Variants in TBCD observed in about 807,000 individuals in gnomAD.
TBCD encodes tubulin folding cofactor D, also known as tubulin-specific chaperone D.
A neutral mutation model predicts 169.3 loss-of-function variants in TBCD; 105 were observed. That is an observed-to-expected ratio of 0.62 (90% CI 0.53 to 0.73). The LOEUF is 0.73. Among genes scored for constraint, TBCD ranks in the 30% least tolerant of loss-of-function variants. TBCD has a pLI of 0.00. For missense variants in TBCD, 1,444 were observed against 1,600.1 expected (o/e 0.90, Z 1.66); for synonymous variants, 700 against 643.9 (o/e 1.09, Z -1.32).
At chr17:82,768,039 C>T (rs1286406482) in intron 4 of TBCD, among the ~76,000 whole-genome samples, 2 of 152,052 alleles carry the variant, frequency 1.3e-5, no homozygotes, top group Non-Finnish European at 2.9e-5. Context: ...TGAACCACCA[C>T]ACCTGGCCTT....
At chr17:82,854,426 A>G (rs974727311) in intron 13 of TBCD, among the ~76,000 whole-genome samples, 1 of 152,244 alleles carries the variant, frequency 6.6e-6, no homozygotes, top group Non-Finnish European at 1.5e-5. Flanking sequence ...CAGGCGCTGC[A>G]GGCTCCTTAT....
intron 13 of TBCD, chr17:82,830,610 G>A (rs773596288): frequency 6.2e-7 from 1 of 1,614,070 alleles, no homozygotes; most frequent in Admixed American, 1.7e-5. Flanking sequence ...GTCGACCGGG[G>A]AAGGCAGGCC....
chr17:82,831,166 A>C lies in TBCD; in HGVS notation c.1318+16232A>C. On this transcript the variant is annotated intron_variant, in intron 13 of 38. Transcript: ENST00000355528. The surrounding 1 kb of genome is among the most constrained non-coding windows in gnomAD (Gnocchi z 4.6). ...GGCTGCCTTGTTGGAGAGGTCGTAC[A>C]GGCCTTCGCAGGTCTGGCTCGTCTG... 2 of 1,614,118 alleles carry C rather than the reference A, an allele frequency of 1.2e-6. No individual in the cohort carries two copies. Among genetic ancestry groups the C allele is most frequent in the Non-Finnish European group, 1.7e-6 (2 of 1,180,028 alleles).
At chr17:82,860,557 G>A in intron 13 of TBCD, 1 of 622,434 alleles carries the variant, frequency 1.6e-6, no homozygotes, top group South Asian at 7.2e-5. Context: ...CTTAGAACAG[G>A]AACCTGAGGA....
intron 15 of TBCD, among the ~76,000 whole-genome samples, chr17:82,888,678 C>G (rs1192359161): frequency 2.6e-5 from 4 of 152,118 alleles, no homozygotes. Context: ...GTGGGCGCGT[C>G]TGCTCCTTTT....
At chr17:82,798,550 G>T in intron 8 of TBCD, among the ~76,000 whole-genome samples, 1 of 152,196 alleles carries the variant, frequency 6.6e-6, no homozygotes, top group South Asian at 2.1e-4. Flanking sequence ...AAAGTGCTGG[G>T]ATTACAGGCG....
chr17:82,926,481 G>A lies in TBCD; in HGVS notation c.2461G>A (p.Ala821Thr), dbSNP rs2061771488. Residue 821 changes from alanine to threonine, a missense_variant, in exon 28 of 39, where the codon GCC (alanine) becomes ACC (threonine). Physicochemically the swap from Ala to Thr is moderately conservative, Grantham distance 58. Coordinates refer to ENST00000355528, the MANE Select transcript of TBCD (RefSeq NM_005993.5). The stretch of plus-strand genomic sequence containing the variant: ...TGAGTCCAGGAGAGACGGCTTGAAG[G>A]CCATTGCGAGGTGAGTCCCAACAGT... ...FAESRRDGLK[A>T]IARICQTVGV... 1 of 1,613,742 alleles carries A rather than the reference G, an allele frequency of 6.2e-7. No individual in the cohort carries two copies. The highest frequency in any genetic ancestry group is 1.3e-5 in the African/African-American group (1 of 74,924).
intron 13 of TBCD, among the ~76,000 whole-genome samples, chr17:82,817,870 A>G (rs2052057328): frequency 6.6e-6 from 1 of 152,186 alleles, no homozygotes; most frequent in African/African-American, 2.4e-5. Context: ...AGAACCATGA[A>G]GTTGTGGTTT....
At chr17:82,909,936 C>G (rs565049226) in intron 22 of TBCD, among the ~76,000 whole-genome samples, 1 of 152,148 alleles carries the variant, frequency 6.6e-6, no homozygotes, top group Admixed American at 6.5e-5. Flanking sequence ...AATTTGCTAC[C>G]GAGGGTGTCA....
chr17:82,879,760 G>A (rs1445588193), intron 14 of TBCD, among the ~76,000 whole-genome samples: 2 of 152,200 alleles, frequency 1.3e-5, no homozygotes, highest in African/African-American at 4.8e-5. Flanking sequence ...GCCAACATTG[G>A]TCTGATTTTG....
intron 34 of TBCD, among the ~76,000 whole-genome samples, chr17:82,934,438 G>T (rs2147417304): frequency 6.6e-6 from 1 of 152,272 alleles, no homozygotes; most frequent in Admixed American, 6.5e-5. Flanking sequence ...GCTCGGTTGT[G>T]GCGTATTATC....
chr17:82,925,511 C>A (rs1460836694), intron 27 of TBCD, among the ~76,000 whole-genome samples: 1 of 152,116 alleles, frequency 6.6e-6, no homozygotes, highest in Admixed American at 6.5e-5. Context: ...TGGTGCTGGT[C>A]CCACTGACCA....
intron 5 of TBCD, among the ~76,000 whole-genome samples, chr17:82,771,923 C>CAAAAAA (rs33998188): frequency 7.1e-6 from 1 of 140,076 alleles, no homozygotes; most frequent in African/African-American, 2.6e-5. Context: ...GACTCCGTCT[C>CAAAAAA]AAAAAAAAAA....
Position 82,845,392 on chromosome 17 carries a change from C to T in TBCD, c.1319-24832C>T, listed in dbSNP as rs192837969. ...CTGTCTGGCTCGGCCCCTTCCTCTCCGTCCTGTCCAGCTTGGCCCCTTCCT... is the reference window on the plus strand; with the variant it reads ...CTGTCTGGCTCGGCCCCTTCCTCTCTGTCCTGTCCAGCTTGGCCCCTTCCT... On this transcript the variant is annotated intron_variant, in intron 13 of 38. Coordinates refer to ENST00000355528, the MANE Select transcript of TBCD (RefSeq NM_005993.5). Among the ~76,000 whole-genome samples the T allele has an allele frequency of 1.3e-4, 19 of 151,144 alleles. No individual in the cohort carries two copies. The East Asian group carries it at 2.2e-3, about 17-fold the overall frequency.
rs561104724 is a variant in TBCD, at chr17:82,921,427, A to G, written c.2102-74A>G. 16 of 1,182,306 alleles carry G rather than the reference A, an allele frequency of 1.4e-5. No individual in the cohort carries two copies. In the South Asian group the frequency reaches 1.8e-4, roughly 13 times the overall value. The allele number at this position is 1,182,306 out of a possible 1,614,324, so 73.2% of individuals were successfully genotyped here. ...CGACTTTAAGATTAGTATTAATAGA[A>G]GCTGTTTTTGCTGTTGTTTTTGATT... is the stretch of plus-strand genomic sequence containing the variant. On this transcript the variant is annotated intron_variant, in intron 24 of 38. Transcript: ENST00000355528.
At chr17:82,824,492 A>G (rs2052674446) in intron 13 of TBCD, among the ~76,000 whole-genome samples, 1 of 148,800 alleles carries the variant, frequency 6.7e-6, no homozygotes, top group East Asian at 2.0e-4. Context: ...CCATATATTT[A>G]TTTTTTAAAG....
chr17:82,788,838 C>T (rs948348913), intron 7 of TBCD, among the ~76,000 whole-genome samples: 9 of 152,192 alleles, frequency 5.9e-5, no homozygotes, highest in East Asian at 5.8e-4. Flanking sequence ...CACCAGCGCC[C>T]GCCCCACCTG....
chr17:82,790,790 T>G (rs1250809287), intron 7 of TBCD, among the ~76,000 whole-genome samples: 1 of 152,200 alleles, frequency 6.6e-6, no homozygotes, highest in Non-Finnish European at 1.5e-5. Context: ...CCACATCCAC[T>G]GGCCTCCTGG....
In TBCD at chr17:82,846,260, CCTCTGTGCTGTGTCCTCTTGT is replaced by C. The variant is rs2055054875; in HGVS notation, c.1319-23962_1319-23942del. Among the ~76,000 whole-genome samples, 10 of 146,490 alleles carry C rather than the reference CCTCTGTGCTGTGTCCTCTTGT, an allele frequency of 6.8e-5. 3 individuals are homozygous for C. The highest frequency in any genetic ancestry group is 1.1e-4 in the Non-Finnish European group (7 of 64,796). The stretch of plus-strand genomic sequence containing the variant: ...CTGCTGCCCCCTCCACGCGCTGCGT[CCTCTGTGCTGTGTCCTCTTGT>C]CCAGCCCTCTGCTGCCCCCTCCACG... On this transcript the variant is annotated intron_variant, in intron 13 of 38. Coordinates refer to ENST00000355528, the MANE Select transcript of TBCD (RefSeq NM_005993.5).
Sources: gnomAD v4.1 joint callset for allele counts (sites outside exome capture counted in the v4.1 genomes callset) on GRCh38, gnomAD v4.1.1 for gene constraint, Gnocchi (gnomAD v3.1) non-coding constraint, MANE v1.5 for transcripts, NCBI Gene and HGNC (gene_info 2026-07-23, HGNC 2026-07-21) for gene names.